The following PRICKLE2 variants were observed in gnomAD, a reference collection of about 807,000 sequenced individuals.
The protein encoded by PRICKLE2 is prickle planar cell polarity protein 2, also known as prickle-like protein 2.
In PRICKLE2, 21 loss-of-function variants were observed where a neutral mutation model predicts 81.4. That is an observed-to-expected ratio of 0.26 (90% CI 0.18 to 0.37). The LOEUF (loss-of-function observed/expected upper bound fraction) is 0.37. PRICKLE2 is among the 10% of genes least tolerant of loss of function. The pLI is 1.00. For synonymous variants in PRICKLE2, 456 were observed against 421.5 expected (o/e 1.08, Z -1.00); for missense variants, 940 against 1,109.0 (o/e 0.85, Z 2.16).
intron 2 of PRICKLE2, among the ~76,000 whole-genome samples, chr3:64,168,060 C>T (rs931251336): frequency 1.3e-5 from 2 of 152,178 alleles, no homozygotes; most frequent in African/African-American, 4.8e-5. Flanking sequence ...TTTCAGGTGT[C>T]TCCTTCCACA....
chr3:64,109,313 C>G (rs929549612), intron 7 of PRICKLE2, among the ~76,000 whole-genome samples: 1 of 152,174 alleles, frequency 6.6e-6, no homozygotes, highest in Admixed American at 6.5e-5. Flanking sequence ...ATCAAGAACT[C>G]CCCAGTTAAG....
chr3:64,160,355 GC>G (rs2077712293), intron 3 of PRICKLE2, among the ~76,000 whole-genome samples: 1 of 152,180 alleles, frequency 6.6e-6, no homozygotes, highest in South Asian at 2.1e-4. Context: ...TATCCTGACT[GC>G]CTCACTCTGC....
intron 2 of PRICKLE2, chr3:64,163,486 A>C (rs2077768418): frequency 2.8e-6 from 1 of 362,358 alleles, no homozygotes; most frequent in Non-Finnish European, 5.3e-6. Flanking sequence ...GTTAGTCTCC[A>C]GCATATGACG....
chr3:64,176,473 T>C (rs79443538), intron 2 of PRICKLE2, among the ~76,000 whole-genome samples: 5 of 133,882 alleles, frequency 3.7e-5, no homozygotes, highest in Non-Finnish European at 6.9e-5. Flanking sequence ...CAAAGCCAGT[T>C]TGAATAAAGT....
At chr3:64,237,808 A>T (rs1328878512) in intron 2 of PRICKLE2, among the ~76,000 whole-genome samples, 6 of 152,094 alleles carry the variant, frequency 3.9e-5, no homozygotes, top group Non-Finnish European at 8.8e-5. Flanking sequence ...ATTCTGTGGG[A>T]TGTATTGTAC....
At chr3:64,186,767 G>C (rs2078242221) in intron 2 of PRICKLE2, among the ~76,000 whole-genome samples, 1 of 152,220 alleles carries the variant, frequency 6.6e-6, no homozygotes, top group Non-Finnish European at 1.5e-5. Context: ...AAGGAAGTTA[G>C]TTACTTGCTG....
intron 3 of PRICKLE2, among the ~76,000 whole-genome samples, chr3:64,160,316 C>A (rs182978038): frequency 6.6e-6 from 1 of 152,312 alleles, no homozygotes; most frequent in East Asian, 1.9e-4. Context: ...GGATCCCAAG[C>A]CTTGGGCAGG....
rs1273609064 is a variant in PRICKLE2, at chr3:64,110,658, G to A, written c.1661-10733C>T. On this transcript the variant is annotated intron_variant, in intron 7 of 7. Transcript: ENST00000638394. Reference sequence around the variant, plus strand: ...TGAGAAGGAGCCCACCCAGCCAAGGGCAGGGAAAAGTGTTCCAGGCAGAGG... The same window carrying A: ...TGAGAAGGAGCCCACCCAGCCAAGGACAGGGAAAAGTGTTCCAGGCAGAGG... Among the ~76,000 whole-genome samples, 5 of 152,234 alleles carry A rather than the reference G, an allele frequency of 3.3e-5. No individual in the cohort carries two copies. The East Asian group carries it at 7.7e-4, about 24-fold the overall frequency.
chr3:64,209,170 G>T (rs9827614), intron 1 of PRICKLE2, among the ~76,000 whole-genome samples: 2 of 130,904 alleles, frequency 1.5e-5, no homozygotes, highest in African/African-American at 2.9e-5. Context: ...CCCATCTATC[G>T]ATCCATTCAT....
In PRICKLE2 at chr3:64,180,552, T is replaced by TTTA. The variant is rs1553648706; in HGVS notation, c.145-17424_145-17423insTAA. On this transcript the variant is annotated intron_variant, in intron 2 of 7. Coordinates refer to ENST00000638394, the MANE Select transcript of PRICKLE2 (RefSeq NM_198859.4). ...ACAATTTGAGAATGATTTTTTTTTT[T>TTTA]AATAAAGTCTCACTCTGTCACCTAG... is the stretch of plus-strand genomic sequence containing the variant. Among the ~76,000 whole-genome samples, 25 of 151,680 alleles carry TTTA rather than the reference T, an allele frequency of 1.6e-4. No homozygotes were observed. In the East Asian group the frequency reaches 2.5e-3, roughly 15 times the overall value.
chr3:64,172,417 A>G (rs1314933827), intron 2 of PRICKLE2, among the ~76,000 whole-genome samples: 3 of 152,266 alleles, frequency 2.0e-5, no homozygotes, highest in African/African-American at 7.2e-5. Context: ...TTATAGGGGT[A>G]ACTTGTTTGG....
At chr3:64,120,456 G>A (rs1196099511) in intron 7 of PRICKLE2, among the ~76,000 whole-genome samples, 1 of 152,124 alleles carries the variant, frequency 6.6e-6, no homozygotes, top group South Asian at 2.1e-4. Flanking sequence ...CTTGCCCAAG[G>A]TCATGGGTGA....
chr3:64,158,521 T>C (rs2077675719), intron 4 of PRICKLE2, among the ~76,000 whole-genome samples: 1 of 152,182 alleles, frequency 6.6e-6, no homozygotes, highest in Non-Finnish European at 1.5e-5. Context: ...GGAAGAAACA[T>C]GAGTCAAACT....
chr3:64,266,600 T>C (rs2107194733), intron 2 of PRICKLE2, among the ~76,000 whole-genome samples: 1 of 152,288 alleles, frequency 6.6e-6, no homozygotes, highest in Non-Finnish European at 1.5e-5. Flanking sequence ...TTTATCTGAA[T>C]TGCCCAACAG....
intron 3 of PRICKLE2, 89 bp downstream of exon 3, chr3:64,162,927 G>T (rs1216247758): frequency 2.3e-6 from 2 of 880,556 alleles, no homozygotes; most frequent in Non-Finnish European, 3.9e-6. Context: ...TTCTTCTTCG[G>T]CTACCTCATT....
rs1402895028 is a variant in PRICKLE2, at chr3:64,095,154, T to G, written c.*3897A>C. On this transcript the variant is annotated 3_prime_UTR_variant, in exon 8 of 8. Coordinates refer to ENST00000638394, the MANE Select transcript of PRICKLE2 (RefSeq NM_198859.4). Reference sequence around the variant, plus strand: ...TCACCTCTGCAAAATGAAGACTGCCTATAGTAATTGGCAGAGAACATGAAA... The same window carrying G: ...TCACCTCTGCAAAATGAAGACTGCCGATAGTAATTGGCAGAGAACATGAAA... 6.6e-6 allele frequency: 1 copy of G among 152,242 alleles called. No individual in the cohort carries two copies. Among genetic ancestry groups the G allele is most frequent in the Non-Finnish European group, 1.5e-5 (1 of 68,020 alleles). The allele number at this position is 152,242 out of a possible 1,614,324, so 9.4% of individuals were successfully genotyped here. A position where few individuals can be genotyped will look rare whatever the true frequency, so the allele number is the denominator to read the frequency against.
rs140374952 is a variant in PRICKLE2 at position 64,147,179 on chromosome 3, G to C, written c.1311C>G (p.Ala437=). Reference sequence around the variant, plus strand: ...AGTGCTTGCCCCACATTTCGGGCTGGGCCCCAGCCCCTTGCCCTCCTGGAC... The same window carrying C: ...AGTGCTTGCCCCACATTTCGGGCTGCGCCCCAGCCCCTTGCCCTCCTGGAC... ...SYSPGGQGAG[A]QPEMWGKHFS... Residue 437 remains alanine (A), a synonymous_variant, in exon 7 of 8, where the codon GCC becomes GCG. Coordinates refer to ENST00000638394, the MANE Select transcript of PRICKLE2 (RefSeq NM_198859.4). This position sits in a 1 kb window ranked among gnomAD's most constrained non-coding sequence, Gnocchi z 5.0. The C allele has an allele frequency of 4.6e-5, 74 of 1,613,798 alleles. No homozygotes were observed. Among genetic ancestry groups the C allele is most frequent in the Middle Eastern group, 1.6e-4 (1 of 6,084 alleles).
intron 2 of PRICKLE2, among the ~76,000 whole-genome samples, chr3:64,262,285 G>A (rs1010188572): frequency 6.6e-6 from 1 of 152,136 alleles, no homozygotes; most frequent in African/African-American, 2.4e-5. Flanking sequence ...GAGAGGGTAA[G>A]AGAAAGAGAA....
chr3:64,153,119 A>G, intron 6 of PRICKLE2, 63 bp downstream of exon 6: 2 of 1,452,646 alleles, frequency 1.4e-6, no homozygotes, highest in Non-Finnish European at 1.9e-6. Context: ...TACTTTAACT[A>G]CACCCAAAAC....
Sources: gnomAD v4.1 joint callset for allele counts (sites outside exome capture counted in the v4.1 genomes callset) on GRCh38, gnomAD v4.1.1 for gene constraint, Gnocchi (gnomAD v3.1) non-coding constraint, MANE v1.5 for transcripts, NCBI Gene and HGNC (gene_info 2026-07-23, HGNC 2026-07-21) for gene names.